KLHL32: variants seen among roughly 807,000 people sequenced by gnomAD.
KLHL32 encodes the protein kelch-like protein 32.
A neutral mutation model predicts 64.8 loss-of-function variants in KLHL32; 35 were observed. The ratio of observed to expected loss-of-function variants is 0.54; its 90% confidence interval spans 0.41 to 0.72. The LOEUF (loss-of-function observed/expected upper bound fraction) is 0.72, where lower values mean the gene tolerates loss of function less well. Among genes scored for constraint, KLHL32 ranks in the 30% least tolerant of loss-of-function variants. The pLI is 0.00. For synonymous variants in KLHL32, 259 were observed against 281.0 expected (o/e 0.92, Z 0.78); for missense variants, 589 against 768.5 (o/e 0.77, Z 2.76).
chr6:97,056,096 CTTTTTTTTTCTTTT>C (rs1244879092), intron 4 of KLHL32, among the ~76,000 whole-genome samples: 1 of 123,802 alleles, frequency 8.1e-6, no homozygotes, highest in East Asian at 2.4e-4. Flanking sequence ...CTTTTTTTTT[CTTTTTTTTTCTTTT>C]TTTTTTTTTT....
At chr6:97,032,567 A>G (rs1582784255) in intron 3 of KLHL32, among the ~76,000 whole-genome samples, 2 of 152,108 alleles carry the variant, frequency 1.3e-5, no homozygotes, top group East Asian at 3.9e-4. Flanking sequence ...AAGTTTTTCC[A>G]TTTCATTAAC....
At chr6:97,137,157 G>A (rs569875977) in intron 10 of KLHL32, among the ~76,000 whole-genome samples, 7 of 152,160 alleles carry the variant, frequency 4.6e-5, no homozygotes, top group African/African-American at 1.7e-4. Flanking sequence ...TTTCTCATGG[G>A]GCGAAGTAGT....
At chr6:96,972,874 G>T (rs1046643722) in intron 2 of KLHL32, among the ~76,000 whole-genome samples, 1 of 152,180 alleles carries the variant, frequency 6.6e-6, no homozygotes, top group African/African-American at 2.4e-5. Context: ...TATGACTATT[G>T]ACTTGGTGAA....
chr6:97,130,430 A>G (rs993713190), intron 8 of KLHL32, among the ~76,000 whole-genome samples: 2 of 152,202 alleles, frequency 1.3e-5, no homozygotes, highest in African/African-American at 4.8e-5. Context: ...ATGAATTTGC[A>G]TGAGTAAATT....
intron 1 of KLHL32, among the ~76,000 whole-genome samples, chr6:96,931,683 A>C (rs1230877416): frequency 6.6e-6 from 1 of 152,196 alleles, no homozygotes; most frequent in African/African-American, 2.4e-5. Flanking sequence ...AAGTTTAGTG[A>C]TTGTTAAAGA....
chr6:97,017,154 T>G (rs1266296494), intron 3 of KLHL32, among the ~76,000 whole-genome samples: 2 of 152,130 alleles, frequency 1.3e-5, no homozygotes, highest in Non-Finnish European at 2.9e-5. Context: ...TAGCATGACG[T>G]TTTATAGATG....
intron 5 of KLHL32, among the ~76,000 whole-genome samples, chr6:97,073,524 T>C (rs967740656): frequency 3.7e-4 from 56 of 152,302 alleles, no homozygotes; most frequent in African/African-American, 1.3e-3. Flanking sequence ...AACATCTTTC[T>C]CCATCCTGGT....
chr6:97,136,098 T>G (rs1799977757), intron 10 of KLHL32, among the ~76,000 whole-genome samples: 2 of 152,238 alleles, frequency 1.3e-5, no homozygotes, highest in African/African-American at 4.8e-5. Context: ...TGATCCAAGA[T>G]TAATCCACAA....
intron 10 of KLHL32, among the ~76,000 whole-genome samples, chr6:97,137,660 G>A (rs1350386052): frequency 6.6e-6 from 1 of 151,972 alleles, no homozygotes; most frequent in African/African-American, 2.4e-5. Flanking sequence ...TCAGCCTCCC[G>A]AGTAGCTGGG....
chr6:96,934,663 G>T (rs925276402), intron 1 of KLHL32, among the ~76,000 whole-genome samples: 1 of 152,238 alleles, frequency 6.6e-6, no homozygotes, highest in African/African-American at 2.4e-5. Context: ...GATTGCTGCA[G>T]AGAGCAGCTA....
chr6:97,085,516 A>G (rs1050460999), intron 6 of KLHL32, among the ~76,000 whole-genome samples, 175 bp downstream of exon 6: 1 of 152,196 alleles, frequency 6.6e-6, no homozygotes, highest in Non-Finnish European at 1.5e-5. Context: ...CTTGAGGCTC[A>G]GAGCCCTCAG....
intron 6 of KLHL32, among the ~76,000 whole-genome samples, chr6:97,085,785 T>C (rs369172099): frequency 3.9e-5 from 6 of 152,210 alleles, no homozygotes; most frequent in African/African-American, 1.2e-4. Context: ...AGAGAGCAGC[T>C]TGGATCTCGA....
At chr6:97,054,754 C>T (rs758116159) in intron 4 of KLHL32, among the ~76,000 whole-genome samples, 11 of 152,194 alleles carry the variant, frequency 7.2e-5, no homozygotes, top group Non-Finnish European at 1.6e-4. Context: ...AGCCATTCAT[C>T]TCTATGTATC....
At chr6:97,041,702 A>G in intron 4 of KLHL32, 103 bp downstream of exon 4, 1 of 640,684 alleles carries the variant, frequency 1.6e-6, no homozygotes, top group South Asian at 2.4e-5. Context: ...CTTGTTACTC[A>G]TTTTGATGTT....
At chr6:96,913,570 G>A in the KLHL32 span, among the ~76,000 whole-genome samples, 30 of 152,280 alleles carry the variant, frequency 2.0e-4, no homozygotes, top group South Asian at 4.1e-4. Flanking sequence ...TTTTGCAAGC[G>A]GTGCAAGCAG....
At chr6:97,046,726 TG>T (rs752608249) in intron 4 of KLHL32, among the ~76,000 whole-genome samples, 10 of 152,340 alleles carry the variant, frequency 6.6e-5, no homozygotes, top group Non-Finnish European at 1.3e-4. Flanking sequence ...GTTGAACAGC[TG>T]CTTTCTCTTA....
At chr6:97,031,058 A>T (rs1783466637) in intron 3 of KLHL32, among the ~76,000 whole-genome samples, 1 of 152,168 alleles carries the variant, frequency 6.6e-6, no homozygotes, top group Non-Finnish European at 1.5e-5. Context: ...TGCTGGTCTC[A>T]TCACCTCTTT....
At chr6:97,070,251 A>G (rs1790494029) in intron 5 of KLHL32, among the ~76,000 whole-genome samples, 1 of 152,198 alleles carries the variant, frequency 6.6e-6, no homozygotes, top group South Asian at 2.1e-4. Flanking sequence ...CTTTTGGATT[A>G]TTTTTAATCA....
upstream of KLHL32, among the ~76,000 whole-genome samples, chr6:96,919,716 T>C (rs1043886320): frequency 6.6e-6 from 1 of 152,188 alleles, no homozygotes; most frequent in African/African-American, 2.4e-5. Context: ...ATAAATATTA[T>C]TCATGCTCAT....
Sources: gnomAD v4.1 joint callset for allele counts (sites outside exome capture counted in the v4.1 genomes callset) on GRCh38, gnomAD v4.1.1 for gene constraint, MANE v1.5 for transcripts, NCBI Gene and HGNC (gene_info 2026-07-23, HGNC 2026-07-21) for gene names.